The following C2orf42 variants were observed in gnomAD, a reference collection of about 807,000 sequenced individuals.
C2orf42 encodes uncharacterized protein C2orf42.
A neutral mutation model predicts 58.9 loss-of-function variants in C2orf42; 44 were observed. That is an observed-to-expected ratio of 0.75 (90% CI 0.59 to 0.96). C2orf42 has a LOEUF of 0.96. Among genes scored for constraint, C2orf42 ranks in the 40% least tolerant of loss-of-function variants. The probability of loss-of-function intolerance (pLI) is 0.00; values close to 1 mark genes in which losing one functional copy is unlikely to be tolerated. For synonymous variants in C2orf42, 239 were observed against 265.4 expected (o/e 0.90, Z 0.97); for missense variants, 630 against 699.2 (o/e 0.90, Z 1.12).
chr2:70,160,222 C>T (rs1324258831), intron 9 of C2orf42, among the ~76,000 whole-genome samples: 17 of 149,410 alleles, frequency 1.1e-4, no homozygotes, highest in Admixed American at 1.1e-3. Context: ...TCACTGTAAC[C>T]TCTGCCTCCT....
chr2:70,153,473 C>T (rs1672438408), intron 9 of C2orf42, among the ~76,000 whole-genome samples: 1 of 150,962 alleles, frequency 6.6e-6, no homozygotes, highest in Non-Finnish European at 1.5e-5. Flanking sequence ...ATTCTCCTGC[C>T]TCAGCCTCCT....
intron 9 of C2orf42, 108 bp downstream of exon 9, chr2:70,160,517 A>G (rs1337976218): frequency 2.9e-6 from 2 of 701,154 alleles, no homozygotes; most frequent in Non-Finnish European, 4.7e-6. Flanking sequence ...TACAAGGTGA[A>G]TGAATGTGTC....
intron 5 of C2orf42, among the ~76,000 whole-genome samples, chr2:70,172,641 C>G (rs1437830238): frequency 6.6e-6 from 1 of 152,146 alleles, no homozygotes; most frequent in East Asian, 1.9e-4. Context: ...CCACTGCGCT[C>G]CAGCCTGAGT....
intron 1 of C2orf42, among the ~76,000 whole-genome samples, chr2:70,183,969 C>T (rs1171515540): frequency 2.0e-5 from 3 of 151,986 alleles, no homozygotes; most frequent in Non-Finnish European, 4.4e-5. Context: ...CCATGCCTGG[C>T]TAATTTTTAA....
rs1159812611 is a variant in C2orf42 at position 70,165,532 on chromosome 2, G to A, written c.1248C>T (p.Thr416=). 1 of 1,541,246 alleles carries A rather than the reference G, an allele frequency of 6.5e-7. No individual in the cohort carries two copies. Among genetic ancestry groups the A allele is most frequent in the Admixed American group, 1.7e-5 (1 of 59,860 alleles). The change falls in exon 7 of 10, where the codon ACC becomes ACT. Residue 416 remains threonine, a synonymous_variant. Transcript: ENST00000264434. ...GSAKKRLPNS[T]TAFVRKDALP... The stretch of plus-strand genomic sequence containing the variant: ...TACCAAAGGGAAATCCTGTACCTGT[G>A]GTGGAGTTGGGGAGCCGTTTTTTTG...
intron 5 of C2orf42, among the ~76,000 whole-genome samples, chr2:70,171,990 A>C (rs1673850368): frequency 6.6e-6 from 1 of 151,558 alleles, no homozygotes; most frequent in African/African-American, 2.4e-5. Context: ...TGGGAGGCCA[A>C]GGCGGGTGGA....
rs758821435 is a variant in C2orf42 at position 70,175,822 on chromosome 2, A to G, written c.935-45T>C. 6.1e-6 allele frequency: 7 copies of G among 1,145,192 alleles called. No individual in the cohort carries two copies. In the Admixed American group the frequency reaches 1.2e-4, roughly 20 times the overall value. 70.9% of individuals were successfully genotyped at this position (1,145,192 alleles called of 1,614,324 possible). A position where few individuals can be genotyped will look rare whatever the true frequency, so the allele number is the denominator to read the frequency against. Reference sequence around the variant, plus strand: ...AGGTTTAACAATGTATCTGCTAAATATAAATTGATTTGATGTTAATTTTTA... The same window carrying G: ...AGGTTTAACAATGTATCTGCTAAATGTAAATTGATTTGATGTTAATTTTTA... On this transcript the variant is annotated intron_variant, in intron 4 of 9. Transcript: ENST00000264434.
chr2:70,180,843 A>C (rs534311235), intron 3 of C2orf42, among the ~76,000 whole-genome samples: 1 of 151,042 alleles, frequency 6.6e-6, no homozygotes, highest in East Asian at 2.0e-4. Context: ...TCTGCAAAAA[A>C]TTAAAAAAAT....
rs1674602240 is a variant in C2orf42, at chr2:70,181,861, C to A, written c.125G>T (p.Cys42Phe). ...GTYNGTRGLSCKNKTCGTIFR... is the reference protein window; with the variant it reads ...GTYNGTRGLSFKNKTCGTIFR... ...TATGGTTCCACATGTCTTGTTCTTA[C>A]AGCTCAGTCCCCGGGTTCCATTGTA... Residue 42 changes from cysteine to phenylalanine, a missense_variant, in exon 3 of 10, where the codon TGT becomes TTT. Physicochemically the swap from Cys to Phe is radical, Grantham distance 205. Coordinates refer to ENST00000264434, the MANE Select transcript of C2orf42 (RefSeq NM_017880.3). 1 of 1,613,966 alleles carries A rather than the reference C, an allele frequency of 6.2e-7. No individual in the cohort carries two copies. The highest frequency in any genetic ancestry group is 8.5e-7 in the Non-Finnish European group (1 of 1,179,972).
intron 4 of C2orf42, among the ~76,000 whole-genome samples, chr2:70,176,721 C>T (rs1472375343): frequency 1.3e-5 from 2 of 151,870 alleles, no homozygotes; most frequent in Non-Finnish European, 2.9e-5. Flanking sequence ...CTTGAGCTCC[C>T]GGGCTCAAGG....
intron 1 of C2orf42, among the ~76,000 whole-genome samples, chr2:70,183,558 T>C (rs931851059): frequency 6.6e-6 from 1 of 151,456 alleles, no homozygotes; most frequent in South Asian, 2.1e-4. Context: ...GCCTCCTTAG[T>C]AGCTGGGACT....
At chr2:70,169,225 T>G (rs1308012455) in intron 6 of C2orf42, among the ~76,000 whole-genome samples, 1 of 149,284 alleles carries the variant, frequency 6.7e-6, no homozygotes, top group African/African-American at 2.5e-5. Flanking sequence ...AATAGTCTCA[T>G]AAAGCTTCAG....
intron 4 of C2orf42, among the ~76,000 whole-genome samples, chr2:70,177,848 C>T (rs1674293503): frequency 6.6e-6 from 1 of 152,150 alleles, no homozygotes; most frequent in African/African-American, 2.4e-5. Context: ...CCAGCCTGGT[C>T]AACACAGTGA....
chr2:70,168,958 G>A (rs373104030), intron 6 of C2orf42, among the ~76,000 whole-genome samples: 8 of 151,978 alleles, frequency 5.3e-5, no homozygotes, highest in African/African-American at 1.9e-4. Context: ...CAAGTGATCC[G>A]CCCACCTCGG....
In C2orf42 at chr2:70,160,615, G is replaced by A; in HGVS notation, c.1516+10C>T. On this transcript the variant is annotated intron_variant, in intron 9 of 9. Coordinates refer to ENST00000264434, the MANE Select transcript of C2orf42 (RefSeq NM_017880.3). The stretch of plus-strand genomic sequence containing the variant: ...ACTCAAAGGAAGATGCAGTTTTGAA[G>A]TTCACTTACCAACTTTGAGAAAAGT... 1 of 1,600,528 alleles carries A rather than the reference G, an allele frequency of 6.2e-7. No homozygotes were observed. The highest frequency in any genetic ancestry group is 1.3e-5 in the African/African-American group (1 of 74,490).
chr2:70,186,737 A>G (rs1353105630), intron 1 of C2orf42, among the ~76,000 whole-genome samples: 2 of 152,212 alleles, frequency 1.3e-5, no homozygotes, highest in African/African-American at 4.8e-5. Flanking sequence ...GATTAAGAAA[A>G]TGTGGCACAT....
At chr2:70,160,582 C>T (rs375469438) in intron 9 of C2orf42, 43 bp downstream of exon 9, 14 of 1,447,848 alleles carry the variant, frequency 9.7e-6, no homozygotes, top group Admixed American at 1.8e-5. Flanking sequence ...TACTGTTCAC[C>T]AGCTGACACT....
intron 7 of C2orf42, 123 bp downstream of exon 7, chr2:70,165,405 C>G (rs1438962803): frequency 1.5e-5 from 10 of 661,410 alleles, no homozygotes; most frequent in African/African-American, 3.6e-5. Context: ...GCTTTGTGCT[C>G]CAGACATGTG....
intron 8 of C2orf42, among the ~76,000 whole-genome samples, 158 bp downstream of exon 8, chr2:70,164,934 A>C (rs1399341940): frequency 6.6e-6 from 1 of 152,174 alleles, no homozygotes; most frequent in African/African-American, 2.4e-5. Flanking sequence ...AATTGGAGTC[A>C]GAACTATAAA....
Sources: gnomAD v4.1 joint callset for allele counts (sites outside exome capture counted in the v4.1 genomes callset) on GRCh38, gnomAD v4.1.1 for gene constraint, MANE v1.5 for transcripts, NCBI Gene and HGNC (gene_info 2026-07-23, HGNC 2026-07-21) for gene names.